ARHGAP15: variants seen among roughly 807,000 people sequenced by gnomAD.
The protein encoded by ARHGAP15 is rho GTPase-activating protein 15.
In ARHGAP15, 51 loss-of-function variants were observed where a neutral mutation model predicts 63.7. The observed-to-expected ratio is 0.80, with a 90% CI of 0.64 to 1.01. The LOEUF (loss-of-function observed/expected upper bound fraction) is 1.01. Ranked by LOEUF, ARHGAP15 falls within the 50% of genes least tolerant of loss-of-function variation. The pLI is 0.00. For synonymous variants in ARHGAP15, 191 were observed against 193.8 expected (o/e 0.99, Z 0.12); for missense variants, 560 against 564.6 (o/e 0.99, Z 0.08).
rs983312476 is a variant in ARHGAP15, at chr2:143,652,895, A to AT, written c.1138+28636dup. Among the ~76,000 whole-genome samples, 33 of 151,930 alleles carry AT rather than the reference A, an allele frequency of 2.2e-4. 1 individual carries two copies. The highest frequency in any genetic ancestry group is 9.8e-4 in the Admixed American group (15 of 15,260). On this transcript the variant is annotated intron_variant, in intron 12 of 13. Transcript: ENST00000295095. ...ATTTTTTGGCTTTCTAGCTGGATAC[A>AT]TTTTTTTTCCTGCCTTATTGCATTG... is the stretch of plus-strand genomic sequence containing the variant.
intron 2 of ARHGAP15, among the ~76,000 whole-genome samples, chr2:143,191,563 C>T (rs948152387): frequency 4.6e-5 from 7 of 152,152 alleles, no homozygotes; most frequent in African/African-American, 1.4e-4. Context: ...CTTGATAGGA[C>T]ATCTGCTTTT....
chr2:143,624,592 C>A (rs1698766394), intron 12 of ARHGAP15, among the ~76,000 whole-genome samples: 1 of 152,116 alleles, frequency 6.6e-6, no homozygotes, highest in Non-Finnish European at 1.5e-5. Flanking sequence ...CTCATCTCTG[C>A]CTTTATACTT....
intron 11 of ARHGAP15, among the ~76,000 whole-genome samples, chr2:143,591,186 T>C (rs1223621689): frequency 6.6e-6 from 1 of 152,192 alleles, no homozygotes; most frequent in African/African-American, 2.4e-5. Flanking sequence ...CTATTCACAG[T>C]TACTTTATTA....
chr2:143,485,988 A>T (rs1692306362), intron 8 of ARHGAP15, among the ~76,000 whole-genome samples: 1 of 152,042 alleles, frequency 6.6e-6, no homozygotes, highest in African/African-American at 2.4e-5. Flanking sequence ...TCAGTCTTGA[A>T]CTTCACCTTA....
chr2:143,421,207 C>T (rs540619359), intron 6 of ARHGAP15, among the ~76,000 whole-genome samples: 4 of 152,218 alleles, frequency 2.6e-5, no homozygotes, highest in African/African-American at 9.6e-5. Flanking sequence ...AAGCCAAATT[C>T]TGAAGAACCA....
rs1261319851 is a variant in ARHGAP15, at chr2:143,664,369, C to T, written c.1139-39050C>T. 2.8e-4 allele frequency among the ~76,000 whole-genome samples: 43 copies of T among 151,650 alleles called. 1 individual carries two copies. Among genetic ancestry groups the T allele is most frequent in the South Asian group, 1.3e-3 (6 of 4,780 alleles). On this transcript the variant is annotated intron_variant, in intron 12 of 13. Transcript: ENST00000295095. ...AAATAAAGATGTTCTTTGAAACCAA[C>T]GAGAACAAAGACACAACATACCAGA...
At chr2:143,541,514 A>G (rs1574606021) in intron 10 of ARHGAP15, among the ~76,000 whole-genome samples, 1 of 151,756 alleles carries the variant, frequency 6.6e-6, no homozygotes, top group African/African-American at 2.4e-5. Context: ...GGTTTTATCT[A>G]CCTTTGGTCT....
intron 1 of ARHGAP15, among the ~76,000 whole-genome samples, chr2:143,148,225 C>T (rs555538082): frequency 6.6e-6 from 1 of 152,088 alleles, no homozygotes; most frequent in South Asian, 2.1e-4. Flanking sequence ...GCATCCAGGC[C>T]TCACATCACC....
chr2:143,475,120 G>T (rs1282485471), intron 8 of ARHGAP15, among the ~76,000 whole-genome samples: 1 of 152,076 alleles, frequency 6.6e-6, no homozygotes, highest in African/African-American at 2.4e-5. Context: ...ATCTTTGTGG[G>T]GCTTTTCCTA....
At chr2:143,323,712 T>A (rs920376834) in intron 6 of ARHGAP15, among the ~76,000 whole-genome samples, 12 of 151,514 alleles carry the variant, frequency 7.9e-5, no homozygotes, top group Non-Finnish European at 1.2e-4. Context: ...GGTGAAACCC[T>A]GTCTCTACTA....
At chr2:143,203,473 G>A (rs1464377706) in intron 3 of ARHGAP15, among the ~76,000 whole-genome samples, 2 of 152,012 alleles carry the variant, frequency 1.3e-5, no homozygotes, top group African/African-American at 4.8e-5. Flanking sequence ...GTCTATCTGA[G>A]CATTTAACCC....
At chr2:143,366,374 A>T (rs1686293248) in intron 6 of ARHGAP15, among the ~76,000 whole-genome samples, 1 of 152,118 alleles carries the variant, frequency 6.6e-6, no homozygotes, top group Admixed American at 6.5e-5. Context: ...GGACAGCTAG[A>T]TATTACACTA....
At chr2:143,195,970 A>C (rs570546446) in intron 2 of ARHGAP15, among the ~76,000 whole-genome samples, 34 of 152,236 alleles carry the variant, frequency 2.2e-4, no homozygotes, top group South Asian at 6.2e-4. Flanking sequence ...CATATCCTTT[A>C]AATAGATAAA....
chr2:143,701,446 C>G (rs1684086410), intron 12 of ARHGAP15, among the ~76,000 whole-genome samples: 1 of 152,100 alleles, frequency 6.6e-6, no homozygotes, highest in Admixed American at 6.6e-5. Context: ...TCAAAGAAAC[C>G]CAGTGGGCCA....
At chr2:143,371,410 T>C (rs1686544673) in intron 6 of ARHGAP15, among the ~76,000 whole-genome samples, 1 of 152,172 alleles carries the variant, frequency 6.6e-6, no homozygotes, top group Non-Finnish European at 1.5e-5. Flanking sequence ...TACATGAGAC[T>C]CCAAGATGGC....
At chr2:143,230,242 C>T (rs570045580) in intron 5 of ARHGAP15, among the ~76,000 whole-genome samples, 3 of 151,938 alleles carry the variant, frequency 2.0e-5, no homozygotes, top group Admixed American at 6.6e-5. Flanking sequence ...AGAGTTTATG[C>T]GAATGTGTGG....
intron 13 of ARHGAP15, 145 bp from the exon 14 acceptor site, chr2:143,767,844 C>CAGTAA (rs1451084386): frequency 2.5e-6 from 2 of 784,820 alleles, no homozygotes; most frequent in African/African-American, 1.7e-5. Flanking sequence ...TACTTCCATA[C>CAGTAA]AGTAAAGTAT....
chr2:143,436,876 A>T, intron 7 of ARHGAP15, 37 bp from the exon 8 acceptor site: 1 of 1,585,040 alleles, frequency 6.3e-7, no homozygotes, highest in African/African-American at 1.4e-5. Context: ...CTTTCTTTCT[A>T]GTAAAATTAT....
rs1366868476 is a variant in ARHGAP15 at position 143,436,953 on chromosome 2, T to C, written c.614T>C (p.Phe205Ser). ...TGTCCATCAAGAAACCTGGAATTAT[T>C]CAAAATCCAAAGATCCTCTAGCACT... ...SSCPSRNLELFKIQRSSSTEL... is the reference protein window; with the variant it reads ...SSCPSRNLELSKIQRSSSTEL... Residue 205 changes from phenylalanine to serine, a missense_variant, in exon 8 of 14, where the codon TTC becomes TCC. Physicochemically the swap from Phe to Ser is radical, Grantham distance 155. Transcript: ENST00000295095. 3 of 1,611,912 alleles carry C rather than the reference T, an allele frequency of 1.9e-6. No homozygotes were observed. The highest frequency in any genetic ancestry group is 2.5e-6 in the Non-Finnish European group (3 of 1,179,326).
Sources: allele counts gnomAD v4.1 joint callset (sites outside exome capture counted in the v4.1 genomes callset), GRCh38; gene constraint gnomAD v4.1.1; transcripts MANE v1.5; gene names NCBI Gene and HGNC (gene_info 2026-07-23, HGNC 2026-07-21).